The following PEX14 variants were observed in gnomAD, a reference collection of about 807,000 sequenced individuals.
PEX14 encodes the protein peroxisomal biogenesis factor 14.
PEX14 carries 15 observed loss-of-function variants against 49.5 expected under a neutral mutation model. The observed-to-expected ratio is 0.30, with a 90% CI of 0.20 to 0.47. The LOEUF is 0.47. PEX14 is among the 20% of genes least tolerant of loss of function. The pLI, the probability that PEX14 is intolerant of heterozygous loss-of-function variation, is 1.00. For synonymous variants in PEX14, 210 were observed against 212.7 expected, an observed-to-expected ratio of 0.99 and a Z score of 0.11; for missense variants, 398 against 494.8, an observed-to-expected ratio of 0.80 and a Z score of 1.86.
chr1:10,522,514 T>C (rs561082848), intron 2 of PEX14, among the ~76,000 whole-genome samples: 1 of 152,354 alleles, frequency 6.6e-6, no homozygotes, highest in East Asian at 1.9e-4. Context: ...CCCTAGGTCA[T>C]GGGTGGGACC....
chr1:10,493,161 G>A (rs932142629), intron 1 of PEX14, among the ~76,000 whole-genome samples: 9 of 152,186 alleles, frequency 5.9e-5, no homozygotes, highest in African/African-American at 2.2e-4. Context: ...GTGAGGCCTT[G>A]TAGGCCACGC....
At chr1:10,578,540 T>TA (rs1640216755) in intron 3 of PEX14, among the ~76,000 whole-genome samples, 1 of 151,880 alleles carries the variant, frequency 6.6e-6, no homozygotes, top group Non-Finnish European at 1.5e-5. Context: ...AGTATAAAAT[T>TA]AAAAAACTAC....
At chr1:10,608,778 T>C (rs1457441280) in intron 4 of PEX14, among the ~76,000 whole-genome samples, 2 of 152,194 alleles carry the variant, frequency 1.3e-5, no homozygotes, top group Non-Finnish European at 1.5e-5. Context: ...ATACTTTATA[T>C]GTCATACAAC....
At chr1:10,590,657 G>T (rs1640637414) in intron 3 of PEX14, among the ~76,000 whole-genome samples, 1 of 152,166 alleles carries the variant, frequency 6.6e-6, no homozygotes, top group South Asian at 2.1e-4. Flanking sequence ...GGATTTGGTT[G>T]AGTGCTACAT....
intron 4 of PEX14, among the ~76,000 whole-genome samples, chr1:10,604,876 G>C (rs368052799): frequency 1.7e-3 from 263 of 152,202 alleles, no homozygotes; most frequent in African/African-American, 6.0e-3. Flanking sequence ...AGACATGGGT[G>C]GGGGGGCATC....
intron 3 of PEX14, among the ~76,000 whole-genome samples, chr1:10,587,976 A>C (rs1380646144): frequency 7.3e-6 from 1 of 137,708 alleles, no homozygotes; most frequent in Non-Finnish European, 1.5e-5. Context: ...CTGCAATCCT[A>C]GCACTTTGGG....
intron 4 of PEX14, among the ~76,000 whole-genome samples, chr1:10,602,840 C>T (rs1299450275): frequency 6.6e-6 from 1 of 152,172 alleles, no homozygotes; most frequent in Non-Finnish European, 1.5e-5. Flanking sequence ...GATTTATGGC[C>T]TCTATTCATG....
rs944935664 is a variant in PEX14, at chr1:10,628,827, G to T, written c.678-704G>T. ...TCTTGGCTCAGGCAGAGATGGGCCTGCCTGTTGGAGAGCTCTGTCTCTGAG... is the reference window on the plus strand; with the variant it reads ...TCTTGGCTCAGGCAGAGATGGGCCTTCCTGTTGGAGAGCTCTGTCTCTGAG... On this transcript the variant is annotated intron_variant, in intron 8 of 8. Transcript: ENST00000356607. This position sits in a 1 kb window ranked among gnomAD's most constrained non-coding sequence, Gnocchi z 4.5. Among the ~76,000 whole-genome samples, 2 of 152,170 alleles carry T rather than the reference G, an allele frequency of 1.3e-5. No homozygotes were observed. The highest frequency in any genetic ancestry group is 2.9e-5 in the Non-Finnish European group (2 of 68,026).
chr1:10,607,678 A>G (rs1641163743), intron 4 of PEX14, among the ~76,000 whole-genome samples: 1 of 152,140 alleles, frequency 6.6e-6, no homozygotes, highest in South Asian at 2.1e-4. Context: ...GTCCACTTGC[A>G]TATCTTTCTT....
At chr1:10,527,226 A>AAAG in intron 2 of PEX14, among the ~76,000 whole-genome samples, 1 of 150,572 alleles carries the variant, frequency 6.6e-6, no homozygotes. Flanking sequence ...AAAAAAAAAA[A>AAAG]GAAAATTTGT....
chr1:10,536,405 C>A, intron 3 of PEX14, 108 bp downstream of exon 3: 1 of 770,732 alleles, frequency 1.3e-6, no homozygotes, highest in Non-Finnish European at 2.3e-6. Flanking sequence ...CTTCCTAGAG[C>A]TGCCCACTCA....
intron 3 of PEX14, among the ~76,000 whole-genome samples, chr1:10,557,417 C>T (rs756112715): frequency 2.6e-5 from 4 of 152,148 alleles, no homozygotes; most frequent in Non-Finnish European, 5.9e-5. Context: ...GAAACCTCGT[C>T]TCTACTAAAA....
intron 2 of PEX14, among the ~76,000 whole-genome samples, chr1:10,527,351 T>C (rs919112094): frequency 1.1e-3 from 160 of 151,596 alleles, no homozygotes; most frequent in African/African-American, 3.6e-3. Flanking sequence ...ACCCTGTCTC[T>C]ACTAAAAATA....
chr1:10,582,822 C>T (rs1252314896), intron 3 of PEX14, among the ~76,000 whole-genome samples: 1 of 152,158 alleles, frequency 6.6e-6, no homozygotes, highest in Non-Finnish European at 1.5e-5. Context: ...TGACCTCCGC[C>T]TCCCGGATTC....
intron 8 of PEX14, among the ~76,000 whole-genome samples, chr1:10,627,924 TTTTA>T: frequency 6.6e-6 from 1 of 152,046 alleles, no homozygotes; most frequent in East Asian, 1.9e-4. Flanking sequence ...ACTGTCCTGG[TTTTA>T]TTTATTTTTA....
At chr1:10,533,647 T>A (rs910507451) in intron 2 of PEX14, among the ~76,000 whole-genome samples, 2 of 152,224 alleles carry the variant, frequency 1.3e-5, no homozygotes, top group Admixed American at 1.3e-4. Context: ...GAAAGCATGG[T>A]GATCTAAACC....
chr1:10,484,291 G>A (rs542886624), intron 1 of PEX14, among the ~76,000 whole-genome samples: 2 of 151,638 alleles, frequency 1.3e-5, no homozygotes, highest in Admixed American at 6.6e-5. Context: ...GCCCACCTCG[G>A]CCTCCCAAAG....
At chr1:10,625,526 C>T (rs189125783) in intron 7 of PEX14, among the ~76,000 whole-genome samples, 37 of 152,312 alleles carry the variant, frequency 2.4e-4, no homozygotes, top group African/African-American at 7.5e-4. Context: ...GAAGAGGGTC[C>T]CAGGAATCTC....
chr1:10,532,001 A>T (rs1638663330), intron 2 of PEX14, among the ~76,000 whole-genome samples: 1 of 152,152 alleles, frequency 6.6e-6, no homozygotes, highest in Non-Finnish European at 1.5e-5. Context: ...CTCACTGGGG[A>T]TTACTTACCC....
Sources: allele counts gnomAD v4.1 joint callset (sites outside exome capture counted in the v4.1 genomes callset), GRCh38; gene constraint gnomAD v4.1.1; non-coding constraint Gnocchi (gnomAD v3.1); transcripts MANE v1.5; gene names NCBI Gene and HGNC (gene_info 2026-07-23, HGNC 2026-07-21).